The following FRYL variants were observed in gnomAD, a reference collection of about 807,000 sequenced individuals.
The protein encoded by FRYL is FRY like transcription coactivator.
In FRYL, 150 loss-of-function variants were observed where a neutral mutation model predicts 351.2. That is an observed-to-expected ratio of 0.43 (90% CI 0.37 to 0.49). FRYL has a LOEUF of 0.49. Ranked by LOEUF, FRYL falls within the 20% of genes least tolerant of loss-of-function variation. FRYL has a pLI of 0.00. For missense variants in FRYL, 3,036 were observed against 3,619.3 expected (o/e 0.84, Z 4.13); for synonymous variants, 1,153 against 1,257.1 (o/e 0.92, Z 1.75).
intron 38 of FRYL, among the ~76,000 whole-genome samples, chr4:48,550,307 A>AG: frequency 6.6e-6 from 1 of 152,200 alleles, no homozygotes; most frequent in Non-Finnish European, 1.5e-5. Context: ...ATCCTGCTAA[A>AG]AAAAATCAGC....
chr4:48,527,794 G>A (rs1726592293), intron 52 of FRYL, 141 bp from the exon 53 acceptor site: 2 of 1,000,152 alleles, frequency 2.0e-6, no homozygotes, highest in Non-Finnish European at 3.0e-6. Flanking sequence ...TGTTTAACTA[G>A]TTGAACACAT....
chr4:48,563,260 C>T (rs1488577444), intron 31 of FRYL, among the ~76,000 whole-genome samples: 1 of 148,060 alleles, frequency 6.8e-6, no homozygotes, highest in African/African-American at 2.5e-5. Flanking sequence ...ATAAAATACA[C>T]TAAAAACAGC....
In FRYL at chr4:48,735,008, G is replaced by A. The variant is rs1328695953; in HGVS notation, c.-383-24310C>T. Among the ~76,000 whole-genome samples the A allele has an allele frequency of 9.5e-5, 14 of 147,742 alleles. No homozygotes were observed. The East Asian group carries it at 2.8e-3, about 30-fold the overall frequency. The stretch of plus-strand genomic sequence containing the variant: ...ACTAAAGAGCTTCTGCACAGCAAAA[G>A]AAACTACCATCAGAGTGAACAGGCA... On this transcript the variant is annotated intron_variant, in intron 1 of 63. Coordinates refer to ENST00000358350, the MANE Select transcript of FRYL (RefSeq NM_015030.2).
At chr4:48,604,418 T>C (rs1746323008) in intron 11 of FRYL, among the ~76,000 whole-genome samples, 1 of 152,218 alleles carries the variant, frequency 6.6e-6, no homozygotes, top group African/African-American at 2.4e-5. Flanking sequence ...AAATAGGTCA[T>C]TGCAGATCAC....
chr4:48,529,037 C>T (rs1434916368), intron 50 of FRYL, among the ~76,000 whole-genome samples: 6 of 152,180 alleles, frequency 3.9e-5, no homozygotes, highest in Non-Finnish European at 8.8e-5. Context: ...CCACTTCCCC[C>T]TCTCTGAACT....
intron 4 of FRYL, among the ~76,000 whole-genome samples, chr4:48,629,521 G>C (rs1047704115): frequency 1.3e-5 from 2 of 152,176 alleles, no homozygotes; most frequent in Non-Finnish European, 2.9e-5. Flanking sequence ...GCCAGACATT[G>C]TTCTAGGTTC....
chr4:48,664,271 T>C (rs1486496411), intron 3 of FRYL, among the ~76,000 whole-genome samples: 1 of 152,136 alleles, frequency 6.6e-6, no homozygotes, highest in Non-Finnish European at 1.5e-5. Context: ...GACAGGCCAC[T>C]TGACTGGTTA....
At chr4:48,508,365 T>C (rs1423490948) in intron 59 of FRYL, among the ~76,000 whole-genome samples, 1 of 152,216 alleles carries the variant, frequency 6.6e-6, no homozygotes, top group Non-Finnish European at 1.5e-5. Flanking sequence ...ATCTTTACCA[T>C]ATTGAGTCTT....
At chr4:48,544,749 T>A (rs1730972734) in intron 43 of FRYL, 34 bp downstream of exon 43, 1 of 1,538,664 alleles carries the variant, frequency 6.5e-7, no homozygotes, top group Non-Finnish European at 8.7e-7. Context: ...CACATTAAAA[T>A]GTCACTAAAA....
At position 48,502,376 on chromosome 4, in the gene FRYL, A is replaced by G. The variant is rs552582321; in HGVS notation, c.8481+452T>C. The stretch of plus-strand genomic sequence containing the variant: ...GCCAATGTGGTGAAACCCCGTCTCT[A>G]CTAAAAATACAAAAAATAATTAGCT... On this transcript the variant is annotated intron_variant, in intron 61 of 63. Transcript: ENST00000358350. Among the ~76,000 whole-genome samples the G allele has an allele frequency of 4.6e-5, 7 of 152,194 alleles. No homozygotes were observed. In the South Asian group the frequency reaches 1.5e-3, roughly 32 times the overall value.
At chr4:48,701,805 C>A (rs564790384) in intron 2 of FRYL, among the ~76,000 whole-genome samples, 9 of 152,154 alleles carry the variant, frequency 5.9e-5, no homozygotes, top group Non-Finnish European at 1.3e-4. Flanking sequence ...ATTTTATTGA[C>A]CATTTTCTGC....
chr4:48,583,901 T>C (rs552527554), intron 19 of FRYL, among the ~76,000 whole-genome samples: 1 of 145,104 alleles, frequency 6.9e-6, no homozygotes, highest in African/African-American at 2.6e-5. Context: ...CAAGACATCA[T>C]CTCAAAAAAA....
chr4:48,538,965 T>C (rs1729508796), intron 47 of FRYL, among the ~76,000 whole-genome samples: 1 of 152,172 alleles, frequency 6.6e-6, no homozygotes, highest in Admixed American at 6.5e-5. Context: ...TTATTGTTCT[T>C]GAGAGGGGAC....
chr4:48,655,028 G>A (rs1314925624), intron 3 of FRYL, among the ~76,000 whole-genome samples: 1 of 152,130 alleles, frequency 6.6e-6, no homozygotes, highest in Non-Finnish European at 1.5e-5. Context: ...GAAATGCAGT[G>A]ATCAAAGTCA....
At position 48,546,209 on chromosome 4, in the gene FRYL, A is replaced by C. The variant is rs774891232; in HGVS notation, c.5137T>G (p.Ser1713Ala). Residue 1713 changes from serine (S) to alanine (A), a missense_variant, in exon 42 of 64, where the codon TCA (serine) becomes GCA (alanine). This residue lies in a region of FRYL where 1,987 missense variants were observed against 2,311.7 expected (regional missense o/e 0.86). Transcript: ENST00000358350. Reference sequence around the variant, plus strand: ...CTGATACTAGAAGAGGTAGAACTTGAGCTAAGCCCTGAGTCAGTCATAGGG... The same window carrying C: ...CTGATACTAGAAGAGGTAGAACTTGCGCTAAGCCCTGAGTCAGTCATAGGG... ...PSPMTDSGLS[S>A]SSTSSSISLG... The C allele has an allele frequency of 3.7e-6, 6 of 1,613,814 alleles. No individual in the cohort carries two copies. Among genetic ancestry groups the C allele is most frequent in the Non-Finnish European group, 5.1e-6 (6 of 1,179,822 alleles).
rs150440456 is a variant in FRYL at position 48,548,271 on chromosome 4, C to T, written c.4888+419G>A. Among the ~76,000 whole-genome samples, 74 of 152,186 alleles carry T rather than the reference C, an allele frequency of 4.9e-4. 1 individual carries two copies. Among genetic ancestry groups the T allele is most frequent in the Non-Finnish European group, 8.5e-4 (58 of 68,004 alleles). On this transcript the variant is annotated intron_variant, in intron 40 of 63. Transcript: ENST00000358350. ...TCCCACATGTTTGCTACAGAAGGCA[C>T]GATGGAGTTTCAGGTATAATAATGA... is the stretch of plus-strand genomic sequence containing the variant.
At chr4:48,639,779 T>C (rs1159851036) in intron 3 of FRYL, among the ~76,000 whole-genome samples, 1 of 151,976 alleles carries the variant, frequency 6.6e-6, no homozygotes, top group Non-Finnish European at 1.5e-5. Flanking sequence ...AAGACTGGTA[T>C]ACAAAATACA....
chr4:48,611,698 G>A (rs1396509002), intron 7 of FRYL, among the ~76,000 whole-genome samples: 1 of 152,006 alleles, frequency 6.6e-6, no homozygotes, highest in African/African-American at 2.4e-5. Context: ...TATTAGAGCT[G>A]CAATGAATCT....
At chr4:48,506,122 TTTTC>T (rs1184820311) in intron 59 of FRYL, 1 of 152,430 alleles carries the variant, frequency 6.6e-6, no homozygotes, top group African/African-American at 2.4e-5. Context: ...TTTGTTTTTC[TTTTC>T]TTTCTTTTTG....
Sources: allele counts gnomAD v4.1 joint callset (sites outside exome capture counted in the v4.1 genomes callset), GRCh38; gene constraint gnomAD v4.1.1; regional missense constraint gnomAD v4.1.1; transcripts MANE v1.5; gene names NCBI Gene and HGNC (gene_info 2026-07-23, HGNC 2026-07-21).